Variants in KCNJ14 observed in about 807,000 individuals in gnomAD.
KCNJ14 encodes potassium inwardly rectifying channel subfamily J member 14.
In KCNJ14, 18 loss-of-function variants were observed where a neutral mutation model predicts 24.5. The ratio of observed to expected loss-of-function variants is 0.74; its 90% CI spans 0.51 to 1.09. The LOEUF (loss-of-function observed/expected upper bound fraction) is 1.09, where lower values mean the gene tolerates loss of function less well. Ranked by LOEUF, KCNJ14 falls within the 50% of genes least tolerant of loss-of-function variation. KCNJ14 has a pLI of 0.00. For missense variants in KCNJ14, 633 were observed against 623.0 expected (o/e 1.02, Z -0.17); for synonymous variants, 288 against 270.8 (o/e 1.06, Z -0.63).
chr19:48,462,433 C>T lies in KCNJ14; in HGVS notation c.709C>T (p.Leu237=). The T allele has an allele frequency of 2.7e-6, 4 of 1,472,440 alleles. No individual in the cohort carries two copies. Among genetic ancestry groups the T allele is most frequent in the Non-Finnish European group, 3.6e-6 (4 of 1,108,716 alleles). 91.2% of individuals were successfully genotyped at this position (1,472,440 alleles called of 1,614,324 possible). A position where few individuals can be genotyped will look rare whatever the true frequency, so the allele number is the denominator to read the frequency against. ...CGAGGCCCACGTGCGTGCCCAGCTG[C>T]TGCAGGTGCGCCCGGGAGGAGAGGC... is the stretch of plus-strand genomic sequence containing the variant. ...LVEAHVRAQL[L]QPRVTPEGEY... The change falls in exon 2 of 3, where the codon CTG becomes TTG. Residue 237 remains leucine, a synonymous_variant. Coordinates refer to ENST00000342291, the MANE Select transcript of KCNJ14 (RefSeq NM_013348.4). The surrounding 1 kb of genome is among the most constrained non-coding windows in gnomAD (Gnocchi z 4.9).
Position 48,462,057 on chromosome 19 carries a change from T to C in KCNJ14, c.333T>C (p.Ile111=), listed in dbSNP as rs1195235636. The C allele has an allele frequency of 1.2e-6, 2 of 1,610,174 alleles. No homozygotes were observed. Among genetic ancestry groups the C allele is most frequent in the Non-Finnish European group, 8.5e-7 (1 of 1,179,510 alleles). The change falls in exon 2 of 3, where the codon ATT becomes ATC. Residue 111 remains isoleucine, a synonymous_variant. Transcript: ENST00000342291. The surrounding 1 kb of genome is among the most constrained non-coding windows in gnomAD (Gnocchi z 4.9). ...TCTTCGGCCTGGCCTTCTGGCTCAT[T>C]GCCTCGCTGCACGGCGACCTGGCCG... ...WLLFGLAFWL[I]ASLHGDLAAP... is the part of the protein sequence containing the mutation.
Position 48,464,440 on chromosome 19 carries a change from T to G in KCNJ14, c.974T>G (p.Leu325Arg). 14 of 1,613,908 alleles carry G rather than the reference T, an allele frequency of 8.7e-6. No homozygotes were observed. Among genetic ancestry groups the G allele is most frequent in the Non-Finnish European group, 1.1e-5 (13 of 1,179,938 alleles). The change falls in exon 3 of 3, where the codon CTG (leucine) becomes CGG (arginine). Residue 325 changes from leucine to arginine, a missense_variant. Leu to Arg is a moderately radical substitution (Grantham distance 102, BLOSUM62 -2). Transcript: ENST00000342291. ...QCRSSYLPGELLWGHRFEPVL... is the reference protein window; with the variant it reads ...QCRSSYLPGERLWGHRFEPVL... The stretch of plus-strand genomic sequence containing the variant: ...CGCTCGTCCTACCTCCCTGGTGAAC[T>G]GCTCTGGGGCCATCGTTTTGAGCCA...
rs1447339089 is a variant in KCNJ14 at position 48,466,922 on chromosome 19, G to A, written c.*2145G>A. The A allele has an allele frequency of 6.6e-6, 1 of 152,262 alleles. No individual in the cohort carries two copies. Among genetic ancestry groups the A allele is most frequent in the Non-Finnish European group, 1.5e-5 (1 of 68,070 alleles). The allele number at this position is 152,262 out of a possible 1,614,324, so 9.4% of individuals were successfully genotyped here. A position where few individuals can be genotyped will look rare whatever the true frequency, so the allele number is the denominator to read the frequency against. On this transcript the variant is annotated 3_prime_UTR_variant, in exon 3 of 3. Coordinates refer to ENST00000342291, the MANE Select transcript of KCNJ14 (RefSeq NM_013348.4). ...TGGACACCAGGGTTCTTCCCATTGT[G>A]GGAGAGTGAGTGTTTTAGGGGGAGA...
chr19:48,464,826 C>A lies in KCNJ14; in HGVS notation c.*49C>A, dbSNP rs746150051. The A allele has an allele frequency of 3.6e-6, 5 of 1,373,562 alleles. No homozygotes were observed. Among genetic ancestry groups the A allele is most frequent in the Non-Finnish European group, 5.1e-6 (5 of 984,356 alleles). The allele number at this position is 1,373,562 out of a possible 1,614,324, so 85.1% of individuals were successfully genotyped here. A position where few individuals can be genotyped will look rare whatever the true frequency, so the allele number is the denominator to read the frequency against. ...GTGTATGCCCCCTTCCCCAAGGTAG[C>A]AAGATGGAGGGATGGGGCTCTCTCC... On this transcript the variant is annotated 3_prime_UTR_variant, in exon 3 of 3. Coordinates refer to ENST00000342291, the MANE Select transcript of KCNJ14 (RefSeq NM_013348.4).
rs1386388818 is a variant in KCNJ14, at chr19:48,465,149, C to T, written c.*372C>T. ...CCTCTGGGGAAGCAAGTTGGCAGTT[C>T]TTGAACAGCATCAGATATCAAGAGT... On this transcript the variant is annotated 3_prime_UTR_variant, in exon 3 of 3. Coordinates refer to ENST00000342291, the MANE Select transcript of KCNJ14 (RefSeq NM_013348.4). The T allele has an allele frequency of 3.6e-5, 8 of 222,844 alleles. No homozygotes were observed. The highest frequency in any genetic ancestry group is 1.8e-4 in the African/African-American group (8 of 44,766). The allele number at this position is 222,844 out of a possible 1,614,324, so 13.8% of individuals were successfully genotyped here. A position where few individuals can be genotyped will look rare whatever the true frequency, so the allele number is the denominator to read the frequency against.
intron 1 of KCNJ14, among the ~76,000 whole-genome samples, chr19:48,457,642 A>G (rs1022471024): frequency 6.6e-6 from 1 of 152,138 alleles, no homozygotes; most frequent in African/African-American, 2.4e-5. Context: ...GTACAATTCA[A>G]TGGCTTTTAG....
rs1355900126 is a variant in KCNJ14, at chr19:48,455,752, C to T, written c.-162C>T. The T allele has an allele frequency of 6.6e-6, 1 of 152,252 alleles. No individual in the cohort carries two copies. The highest frequency in any genetic ancestry group is 1.5e-5 in the Non-Finnish European group (1 of 68,084). 9.4% of individuals were successfully genotyped at this position (152,252 alleles called of 1,614,324 possible). A position where few individuals can be genotyped will look rare whatever the true frequency, so the allele number is the denominator to read the frequency against. Reference sequence around the variant, plus strand: ...AAGGCTTAGGACCCAACCAGCATTCCCCCTGGCACTGCGGGGGCCTGGCCA... The same window carrying T: ...AAGGCTTAGGACCCAACCAGCATTCTCCCTGGCACTGCGGGGGCCTGGCCA... On this transcript the variant is annotated 5_prime_UTR_variant, in exon 1 of 3. Coordinates refer to ENST00000342291, the MANE Select transcript of KCNJ14 (RefSeq NM_013348.4).
At position 48,462,517 on chromosome 19, in the gene KCNJ14, T is replaced by A; in HGVS notation, c.714+79T>A. The A allele has an allele frequency of 2.6e-6, 3 of 1,148,510 alleles. No individual in the cohort carries two copies. Among genetic ancestry groups the A allele is most frequent in the Non-Finnish European group, 3.6e-6 (3 of 839,176 alleles). The allele number at this position is 1,148,510 out of a possible 1,614,324, so 71.1% of individuals were successfully genotyped here. ...GATGTAGGCCCGAGGGCGAGGGGCG[T>A]GCGGTCCTGGAGGGGGCGTGGACTA... On this transcript the variant is annotated intron_variant, in intron 2 of 2. Transcript: ENST00000342291. This position sits in a 1 kb window ranked among gnomAD's most constrained non-coding sequence, Gnocchi z 4.9.
At chr19:48,459,975 G>A (rs1052236202) in intron 1 of KCNJ14, among the ~76,000 whole-genome samples, 12 of 151,294 alleles carry the variant, frequency 7.9e-5, no homozygotes, top group African/African-American at 2.0e-4. Flanking sequence ...AGCCAAGATC[G>A]CGCTACTGCA....
chr19:48,465,102 G>A lies in KCNJ14; in HGVS notation c.*325G>A, dbSNP rs1012589657. The A allele has an allele frequency of 1.6e-5, 5 of 314,128 alleles. No homozygotes were observed. The highest frequency in any genetic ancestry group is 2.4e-5 in the Non-Finnish European group (4 of 168,444). The allele number at this position is 314,128 out of a possible 1,614,324, so 19.5% of individuals were successfully genotyped here. The stretch of plus-strand genomic sequence containing the variant: ...GGAGACCTGGATTGTTGACCAGGGT[G>A]AGAAGCCAATGGTATAGACTGCCTC... On this transcript the variant is annotated 3_prime_UTR_variant, in exon 3 of 3. Coordinates refer to ENST00000342291, the MANE Select transcript of KCNJ14 (RefSeq NM_013348.4).
In KCNJ14 at chr19:48,462,403, C is replaced by G; in HGVS notation, c.679C>G (p.Leu227Val). 1 of 1,510,514 alleles carries G rather than the reference C, an allele frequency of 6.6e-7. No individual in the cohort carries two copies. Among genetic ancestry groups the G allele is most frequent in the South Asian group, 1.3e-5 (1 of 78,918 alleles). 93.6% of individuals were successfully genotyped at this position (1,510,514 alleles called of 1,614,324 possible). The change falls in exon 2 of 3, where the codon CTG becomes GTG. Residue 227 changes from leucine to valine, a missense_variant. Physicochemically the swap from Leu to Val is conservative, Grantham distance 32. Coordinates refer to ENST00000342291, the MANE Select transcript of KCNJ14 (RefSeq NM_013348.4). This position sits in a 1 kb window ranked among gnomAD's most constrained non-coding sequence, Gnocchi z 4.9. ...CGTCGGCAACCTGCGCCGCAGCCACCTGGTCGAGGCCCACGTGCGTGCCCA... is the reference window on the plus strand; with the variant it reads ...CGTCGGCAACCTGCGCCGCAGCCACGTGGTCGAGGCCCACGTGCGTGCCCA... ...WRVGNLRRSH[L>V]VEAHVRAQLL...
rs1971655116 is a variant in KCNJ14 at position 48,466,374 on chromosome 19, C to T, written c.*1597C>T. ...GGATTACGGGTGTGAGCCACCATGC[C>T]CAGCCGTGTGTCTGTTTCTTAAAGA... On this transcript the variant is annotated 3_prime_UTR_variant, in exon 3 of 3. Coordinates refer to ENST00000342291, the MANE Select transcript of KCNJ14 (RefSeq NM_013348.4). 6.6e-6 allele frequency: 1 copy of T among 151,812 alleles called. No homozygotes were observed. The highest frequency in any genetic ancestry group is 2.4e-5 in the African/African-American group (1 of 41,352). The allele number at this position is 151,812 out of a possible 1,614,324, so 9.4% of individuals were successfully genotyped here.
Position 48,465,444 on chromosome 19 carries a change from A to G in KCNJ14, c.*667A>G, listed in dbSNP as rs1012146517. The G allele has an allele frequency of 6.6e-6, 1 of 152,194 alleles. No individual in the cohort carries two copies. Among genetic ancestry groups the G allele is most frequent in the East Asian group, 1.9e-4 (1 of 5,168 alleles). The allele number at this position is 152,194 out of a possible 1,614,324, so 9.4% of individuals were successfully genotyped here. On this transcript the variant is annotated 3_prime_UTR_variant, in exon 3 of 3. Coordinates refer to ENST00000342291, the MANE Select transcript of KCNJ14 (RefSeq NM_013348.4). ...CAGATTTTACGTGGAGAGTTGAACT[A>G]CTCCAGAAACTAAAGAGTAATGTTT...
intron 2 of KCNJ14, among the ~76,000 whole-genome samples, chr19:48,463,768 T>A (rs978165446): frequency 6.6e-6 from 1 of 152,254 alleles, no homozygotes; most frequent in Admixed American, 6.5e-5. Flanking sequence ...TTTTCCGTTG[T>A]CGCTTTGATT....
Position 48,463,851 on chromosome 19 carries a change from C to T in KCNJ14, c.715-330C>T, listed in dbSNP as rs186901008. On this transcript the variant is annotated intron_variant, in intron 2 of 2. Transcript: ENST00000342291. ...GTCCCTCTCTCCTCTTCCCCCACCACGCCCCTCTTCCCGTTTTCTACCCCC... is the reference window on the plus strand; with the variant it reads ...GTCCCTCTCTCCTCTTCCCCCACCATGCCCCTCTTCCCGTTTTCTACCCCC... Among the ~76,000 whole-genome samples, 151 of 152,162 alleles carry T rather than the reference C, an allele frequency of 9.9e-4. 6 individuals are homozygous for T. The highest frequency in any genetic ancestry group is 9.8e-3 in the Admixed American group (150 of 15,270).
Position 48,464,432 on chromosome 19 carries a change from T to G in KCNJ14, c.966T>G (p.Pro322=). The change falls in exon 3 of 3, where the codon CCT becomes CCG. Residue 322 remains proline (P), a synonymous_variant. Coordinates refer to ENST00000342291, the MANE Select transcript of KCNJ14 (RefSeq NM_013348.4). ...CACAGTGTCGCTCGTCCTACCTCCCTGGTGAACTGCTCTGGGGCCATCGTT... is the reference window on the plus strand; with the variant it reads ...CACAGTGTCGCTCGTCCTACCTCCCGGGTGAACTGCTCTGGGGCCATCGTT... ...MTTQCRSSYL[P]GELLWGHRFE... is the part of the protein sequence containing the mutation. 3 of 1,613,736 alleles carry G rather than the reference T, an allele frequency of 1.9e-6. No homozygotes were observed. Among genetic ancestry groups the G allele is most frequent in the Non-Finnish European group, 2.5e-6 (3 of 1,179,874 alleles).
In KCNJ14 at chr19:48,462,526, G is replaced by A. The variant is rs1971613766; in HGVS notation, c.714+88G>A. On this transcript the variant is annotated intron_variant, in intron 2 of 2. Coordinates refer to ENST00000342291, the MANE Select transcript of KCNJ14 (RefSeq NM_013348.4). This position sits in a 1 kb window ranked among gnomAD's most constrained non-coding sequence, Gnocchi z 4.9. ...CCGAGGGCGAGGGGCGTGCGGTCCT[G>A]GAGGGGGCGTGGACTACAACTCCCA... 8.7e-6 allele frequency: 9 copies of A among 1,036,138 alleles called. No homozygotes were observed. The highest frequency in any genetic ancestry group is 1.7e-5 in the South Asian group (1 of 58,722). The allele number at this position is 1,036,138 out of a possible 1,614,324, so 64.2% of individuals were successfully genotyped here.
At chr19:48,458,100 T>TGG (rs1971557190) in intron 1 of KCNJ14, among the ~76,000 whole-genome samples, 1 of 152,246 alleles carries the variant, frequency 6.6e-6, no homozygotes, top group South Asian at 2.1e-4. Context: ...ATTCATTAGT[T>TGG]GGTTGATACT....
rs1971609094 is a variant in KCNJ14 at position 48,462,225 on chromosome 19, G to A, written c.501G>A (p.Val167=). ...EECPAAVAAV[V]LQCIAGCVLD... ...GCCCGGCCGCTGTGGCCGCCGTGGT[G>A]CTGCAGTGCATTGCCGGCTGCGTGC... Residue 167 remains valine, a synonymous_variant, in exon 2 of 3, where the codon GTG becomes GTA. Coordinates refer to ENST00000342291, the MANE Select transcript of KCNJ14 (RefSeq NM_013348.4). The surrounding 1 kb of genome is among the most constrained non-coding windows in gnomAD (Gnocchi z 4.9). 11 of 1,551,850 alleles carry A rather than the reference G, an allele frequency of 7.1e-6. No individual in the cohort carries two copies. Among genetic ancestry groups the A allele is most frequent in the Non-Finnish European group, 9.6e-6 (11 of 1,147,702 alleles).
Sources: gnomAD v4.1 joint callset for allele counts (sites outside exome capture counted in the v4.1 genomes callset) on GRCh38, gnomAD v4.1.1 for gene constraint, Gnocchi (gnomAD v3.1) non-coding constraint, MANE v1.5 for transcripts, NCBI Gene and HGNC (gene_info 2026-07-23, HGNC 2026-07-21) for gene names.